Variants in ANO1 observed in about 807,000 individuals in gnomAD.
ANO1 encodes the protein anoctamin 1.
A neutral mutation model predicts 124.0 loss-of-function variants in ANO1; 59 were observed. The observed-to-expected ratio is 0.48, with a 90% CI of 0.39 to 0.59. The LOEUF (loss-of-function observed/expected upper bound fraction) is 0.59, where lower values mean the gene tolerates loss of function less well. Among genes scored for constraint, ANO1 ranks in the 20% least tolerant of loss-of-function variants. The pLI, the probability that ANO1 is intolerant of heterozygous loss-of-function variation, is 0.00. For synonymous variants in ANO1, 529 were observed against 532.0 expected (o/e 0.99, Z 0.08); for missense variants, 1,059 against 1,328.0 (o/e 0.80, Z 3.15).
At chr11:69,967,907 T>C in the ANO1 span, among the ~76,000 whole-genome samples, 1 of 152,170 alleles carries the variant, frequency 6.6e-6, no homozygotes, top group Non-Finnish European at 1.5e-5. Context: ...TGGGTCCCTG[T>C]TGGATGAGAG....
intron 11 of ANO1, among the ~76,000 whole-genome samples, chr11:70,133,297 G>A (rs943820759): frequency 5.3e-5 from 8 of 152,296 alleles, no homozygotes; most frequent in Non-Finnish European, 7.4e-5. Flanking sequence ...ATTCAGTACC[G>A]TGCCCCATCA....
chr11:69,976,734 C>T, the ANO1 span, among the ~76,000 whole-genome samples: 5 of 152,104 alleles, frequency 3.3e-5, no homozygotes, highest in African/African-American at 9.7e-5. Flanking sequence ...ATGGTTTCAG[C>T]CACTCTATCT....
chr11:70,173,336 T>C (rs10898828), intron 22 of ANO1, among the ~76,000 whole-genome samples: 31,261 of 152,102 alleles, frequency 0.21, 3,861 homozygotes, highest in African/African-American at 0.35. Context: ...TGGACACTTT[T>C]GCTTCCCTAC....
At chr11:69,967,335 C>A in the ANO1 span, among the ~76,000 whole-genome samples, 1 of 152,200 alleles carries the variant, frequency 6.6e-6, no homozygotes, top group African/African-American at 2.4e-5. Context: ...CTCTGAGCGC[C>A]GGTATCGCAC....
chr11:69,979,568 G>A, the ANO1 span, among the ~76,000 whole-genome samples: 1 of 152,130 alleles, frequency 6.6e-6, no homozygotes, highest in African/African-American at 2.4e-5. Context: ...GTATGGCATT[G>A]CCCAGGCTCT....
chr11:70,113,577 G>A (rs527536713), intron 7 of ANO1, among the ~76,000 whole-genome samples: 10 of 152,088 alleles, frequency 6.6e-5, no homozygotes, highest in Non-Finnish European at 1.0e-4. Flanking sequence ...GCCCTGCCTG[G>A]CACAGCCCAT....
chr11:70,149,784 G>A lies in ANO1; in HGVS notation c.1333G>A (p.Glu445Lys), dbSNP rs2047525802. The change falls in exon 12 of 26, where the codon GAG becomes AAG. Residue 445 changes from glutamate (E) to lysine (K), a missense_variant. Glu to Lys is a moderately conservative substitution (Grantham distance 56, BLOSUM62 1). Transcript: ENST00000355303. ...CCGCTGGGACCTCACGGGCTTTGAAGAGGAAGAGGTCAGTGGGTTTGCCGC... is the reference window on the plus strand; with the variant it reads ...CCGCTGGGACCTCACGGGCTTTGAAAAGGAAGAGGTCAGTGGGTTTGCCGC... ...NYRWDLTGFE[E>K]EEEAVKDHPR... 2 of 1,613,682 alleles carry A rather than the reference G, an allele frequency of 1.2e-6. No individual in the cohort carries two copies. The highest frequency in any genetic ancestry group is 1.7e-6 in the Non-Finnish European group (2 of 1,179,810).
At chr11:70,029,653 G>A (rs7947135) in intron 1 of ANO1, among the ~76,000 whole-genome samples, 24,210 of 152,260 alleles carry the variant, frequency 0.16, 2,119 homozygotes, top group African/African-American at 0.21. Context: ...TTCCTGCAAC[G>A]ACTGTAACAA....
At chr11:70,042,586 G>T (rs1857201596) in intron 1 of ANO1, among the ~76,000 whole-genome samples, 1 of 151,978 alleles carries the variant, frequency 6.6e-6, no homozygotes, top group Non-Finnish European at 1.5e-5. Flanking sequence ...GCAGAGAGGT[G>T]CCCTTAAGTC....
intron 1 of ANO1, among the ~76,000 whole-genome samples, chr11:69,995,474 G>T (rs1023533369): frequency 1.3e-5 from 2 of 152,232 alleles, no homozygotes; most frequent in East Asian, 3.9e-4. Context: ...TCTGTCCTAG[G>T]ATCCCCTCCA....
At chr11:69,974,533 T>G in the ANO1 span, among the ~76,000 whole-genome samples, 1 of 152,046 alleles carries the variant, frequency 6.6e-6, no homozygotes. Context: ...TGGTTCAAGG[T>G]GTGCAGCAGT....
chr11:70,182,436 CCT>C, intron 23 of ANO1, 64 bp from the exon 24 acceptor site: 2 of 1,363,706 alleles, frequency 1.5e-6, no homozygotes, highest in South Asian at 1.6e-5. Flanking sequence ...TGGGTCACCC[CCT>C]GTTGCGGCCG....
intron 11 of ANO1, among the ~76,000 whole-genome samples, chr11:70,145,615 G>A (rs972880409): frequency 8.6e-5 from 13 of 151,968 alleles, no homozygotes; most frequent in African/African-American, 2.9e-4. Context: ...TCTACCTGAA[G>A]ACACAGTACA....
chr11:70,013,286 C>T (rs1856633301), intron 1 of ANO1, among the ~76,000 whole-genome samples: 1 of 152,210 alleles, frequency 6.6e-6, no homozygotes, highest in Non-Finnish European at 1.5e-5. Flanking sequence ...CCAGATCATA[C>T]TGGCCTTCAA....
At position 70,103,179 on chromosome 11, in the gene ANO1, T is replaced by C. The variant is rs1483760753; in HGVS notation, c.540+15T>C. On this transcript the variant is annotated intron_variant, in intron 3 of 25. Coordinates refer to ENST00000355303, the MANE Select transcript of ANO1 (RefSeq NM_018043.7). Reference sequence around the variant, plus strand: ...CGACGAAGAAGGTTGGTGTTGATGGTCCTGCTCCGAAATGAATCGCCAAGT... The same window carrying C: ...CGACGAAGAAGGTTGGTGTTGATGGCCCTGCTCCGAAATGAATCGCCAAGT... 4 of 1,599,316 alleles carry C rather than the reference T, an allele frequency of 2.5e-6. No homozygotes were observed. Among genetic ancestry groups the C allele is most frequent in the Non-Finnish European group, 2.6e-6 (3 of 1,172,212 alleles).
intron 1 of ANO1, among the ~76,000 whole-genome samples, chr11:70,005,983 T>TA (rs11384643): frequency 0.49 from 73,861 of 151,998 alleles, 19,238 homozygotes; most frequent in East Asian, 0.89. Flanking sequence ...TCTGGGGAAA[T>TA]AAACACCAAC....
At chr11:69,978,256 T>C in the ANO1 span, among the ~76,000 whole-genome samples, 1 of 152,200 alleles carries the variant, frequency 6.6e-6, no homozygotes, top group African/African-American at 2.4e-5. Context: ...AAACAGCAAG[T>C]GTTTTTGTTG....
chr11:70,117,582 A>T (rs563241923), intron 8 of ANO1, among the ~76,000 whole-genome samples: 59 of 152,082 alleles, frequency 3.9e-4, no homozygotes, highest in African/African-American at 1.3e-3. Context: ...CACACCCGAT[A>T]CCAGCCTTCC....
At chr11:70,034,394 C>G (rs1555004130) in intron 1 of ANO1, among the ~76,000 whole-genome samples, 2 of 152,088 alleles carry the variant, frequency 1.3e-5, no homozygotes, top group Non-Finnish European at 1.5e-5. Context: ...CTTGAGGCAT[C>G]CGGCGGTTGG....
Sources: allele counts gnomAD v4.1 joint callset (sites outside exome capture counted in the v4.1 genomes callset), GRCh38; gene constraint gnomAD v4.1.1; transcripts MANE v1.5; gene names NCBI Gene and HGNC (gene_info 2026-07-23, HGNC 2026-07-21).